Variants in MAGI2 observed in about 807,000 individuals in gnomAD.
The protein encoded by MAGI2 is membrane associated guanylate kinase, WW and PDZ domain containing 2.
MAGI2 carries 35 observed loss-of-function variants against 133.3 expected under a neutral mutation model. The ratio of observed to expected loss-of-function variants is 0.26; its 90% CI spans 0.20 to 0.35. The LOEUF is 0.35. MAGI2 is among the 10% of genes least tolerant of loss of function. MAGI2 has a pLI of 1.00. For synonymous variants in MAGI2, 729 were observed against 710.6 expected (o/e 1.03, Z -0.41); for missense variants, 1,636 against 1,863.4 (o/e 0.88, Z 2.25).
chr7:78,094,082 A>T (rs922335460), intron 20 of MAGI2, among the ~76,000 whole-genome samples: 1 of 152,164 alleles, frequency 6.6e-6, no homozygotes, highest in African/African-American at 2.4e-5. Flanking sequence ...TAGAATGAAC[A>T]CCACCGGTAC....
In MAGI2 at chr7:78,746,885, T is replaced by G. The variant is rs193301416; in HGVS notation, c.419-119646A>C. Among the ~76,000 whole-genome samples the G allele has an allele frequency of 1.4e-3, 213 of 152,344 alleles. 1 individual carries two copies. The highest frequency in any genetic ancestry group is 4.7e-3 in the African/African-American group (196 of 41,574). On this transcript the variant is annotated intron_variant, in intron 2 of 21. Coordinates refer to ENST00000354212, the MANE Select transcript of MAGI2 (RefSeq NM_012301.4). The stretch of plus-strand genomic sequence containing the variant: ...TAAATGCATAAACTATAATCTGGCA[T>G]GGAAATATCTAATTTTTCCTGATTA...
chr7:78,706,084 C>T (rs1156247077), intron 2 of MAGI2, among the ~76,000 whole-genome samples: 1 of 151,866 alleles, frequency 6.6e-6, no homozygotes, highest in Non-Finnish European at 1.5e-5. Context: ...AGCATCATGC[C>T]CATTTATCAA....
intron 9 of MAGI2, among the ~76,000 whole-genome samples, chr7:78,329,442 T>G (rs1788942991): frequency 6.6e-6 from 1 of 152,234 alleles, no homozygotes; most frequent in African/African-American, 2.4e-5. Flanking sequence ...CTCTTGTCAC[T>G]TATATTCCAC....
intron 21 of MAGI2, chr7:78,072,995 C>A (rs999853527): frequency 2.5e-6 from 1 of 398,572 alleles, no homozygotes; most frequent in Admixed American, 4.4e-5. Flanking sequence ...AACAAATGAC[C>A]ATTACTTATT....
At chr7:78,364,861 A>G (rs1390999767) in intron 7 of MAGI2, among the ~76,000 whole-genome samples, 2 of 152,254 alleles carry the variant, frequency 1.3e-5, no homozygotes, top group Non-Finnish European at 2.9e-5. Flanking sequence ...TGACAGTTAC[A>G]TTCCTAGTTA....
At chr7:79,183,364 A>G (rs1034183050) in intron 1 of MAGI2, among the ~76,000 whole-genome samples, 1 of 151,904 alleles carries the variant, frequency 6.6e-6, no homozygotes, top group Non-Finnish European at 1.5e-5. Flanking sequence ...ATTTTAAAAG[A>G]TATAAAACAG....
intron 3 of MAGI2, among the ~76,000 whole-genome samples, chr7:78,526,351 G>A (rs1379417266): frequency 6.6e-6 from 1 of 152,162 alleles, no homozygotes; most frequent in Non-Finnish European, 1.5e-5. Flanking sequence ...TTAAAAATAA[G>A]TGTGTGTGTG....
intron 6 of MAGI2, among the ~76,000 whole-genome samples, chr7:78,448,270 C>T (rs1043434439): frequency 5.3e-5 from 8 of 151,980 alleles, no homozygotes; most frequent in African/African-American, 1.7e-4. Context: ...AAGCTGATTT[C>T]GTTTCCTTTG....
chr7:78,488,845 C>T (rs1169618257), intron 6 of MAGI2, among the ~76,000 whole-genome samples: 4 of 151,866 alleles, frequency 2.6e-5, no homozygotes, highest in East Asian at 1.9e-4. Flanking sequence ...AAAAGAAAGG[C>T]CTTTTAGAAT....
intron 2 of MAGI2, among the ~76,000 whole-genome samples, chr7:78,755,069 A>G (rs1823813047): frequency 6.6e-6 from 1 of 152,218 alleles, no homozygotes; most frequent in Non-Finnish European, 1.5e-5. Context: ...CCAAAGTAAT[A>G]TCATTTACAC....
chr7:79,166,411 G>A (rs555312775), intron 1 of MAGI2, among the ~76,000 whole-genome samples: 3 of 152,166 alleles, frequency 2.0e-5, no homozygotes, highest in East Asian at 1.9e-4. Flanking sequence ...GTCAACAGTC[G>A]GTGAATGTGG....
At chr7:78,900,560 C>A (rs187447223) in intron 2 of MAGI2, among the ~76,000 whole-genome samples, 1 of 152,088 alleles carries the variant, frequency 6.6e-6, no homozygotes, top group Non-Finnish European at 1.5e-5. Flanking sequence ...GTTCTCTCCC[C>A]CTTCCTTTGG....
At chr7:78,912,066 A>G (rs1415038128) in intron 2 of MAGI2, among the ~76,000 whole-genome samples, 1 of 152,188 alleles carries the variant, frequency 6.6e-6, no homozygotes, top group Non-Finnish European at 1.5e-5. Context: ...CATCTTTTAT[A>G]ATGGATTATC....
intron 2 of MAGI2, among the ~76,000 whole-genome samples, chr7:78,839,381 A>G (rs1377030751): frequency 6.6e-6 from 1 of 152,098 alleles, no homozygotes; most frequent in African/African-American, 2.4e-5. Context: ...TTGCGATGCT[A>G]AAAATAATAA....
At chr7:79,026,620 T>C (rs1312512549) in intron 1 of MAGI2, among the ~76,000 whole-genome samples, 1 of 151,978 alleles carries the variant, frequency 6.6e-6, no homozygotes, top group Non-Finnish European at 1.5e-5. Flanking sequence ...ATGTCTGTAA[T>C]CCAGCACTTT....
intron 3 of MAGI2, among the ~76,000 whole-genome samples, chr7:78,544,702 C>T (rs1798676894): frequency 6.6e-6 from 1 of 152,026 alleles, no homozygotes; most frequent in Admixed American, 6.6e-5. Context: ...TTTAACAAGA[C>T]CCTCAGGTGA....
chr7:79,088,451 C>T (rs976249753), intron 1 of MAGI2, among the ~76,000 whole-genome samples: 3 of 152,100 alleles, frequency 2.0e-5, no homozygotes, highest in African/African-American at 7.2e-5. Context: ...ATCATGTCAT[C>T]TGCAAACAGA....
chr7:79,428,975 T>C lies in MAGI2; in HGVS notation c.301+24045A>G, dbSNP rs573187528. On this transcript the variant is annotated intron_variant, in intron 1 of 21. Transcript: ENST00000354212. ...TTAAATATACCTTGATTATCAAGTA[T>C]AAAAACAATGATATAAGTAGACTAT... Among the ~76,000 whole-genome samples the C allele has an allele frequency of 1.2e-4, 19 of 152,216 alleles. No individual in the cohort carries two copies. In the East Asian group the frequency reaches 3.7e-3, roughly 29 times the overall value.
chr7:78,501,424 G>A (rs1008418965), intron 5 of MAGI2, among the ~76,000 whole-genome samples, 153 bp downstream of exon 5: 1 of 151,224 alleles, frequency 6.6e-6, no homozygotes, highest in African/African-American at 2.4e-5. Context: ...CTGTATTAAG[G>A]CACTATCCCA....
Sources: allele counts gnomAD v4.1 joint callset (sites outside exome capture counted in the v4.1 genomes callset), GRCh38; gene constraint gnomAD v4.1.1; transcripts MANE v1.5; gene names NCBI Gene and HGNC (gene_info 2026-07-23, HGNC 2026-07-21).